CLEC16A: variants seen among roughly 807,000 people sequenced by gnomAD.
CLEC16A encodes protein CLEC16A.
Under a neutral mutation model 109.5 loss-of-function variants are expected in CLEC16A, and 51 were observed. That is an observed-to-expected ratio of 0.47 (90% CI 0.37 to 0.59). The LOEUF is 0.59. Ranked by LOEUF, CLEC16A falls within the 20% of genes least tolerant of loss-of-function variation. The pLI is 0.00. For synonymous variants in CLEC16A, 673 were observed against 564.2 expected (o/e 1.19, Z -2.73); for missense variants, 1,339 against 1,394.0 (o/e 0.96, Z 0.63).
intron 18 of CLEC16A, 94 bp from the exon 19 acceptor site, chr16:11,060,808 A>G: frequency 7.8e-7 from 1 of 1,274,098 alleles, no homozygotes; most frequent in Non-Finnish European, 1.0e-6. Context: ...TTCTTTTTTA[A>G]TAGAGAGTCA....
At chr16:11,008,235 G>T (rs1445604027) in intron 11 of CLEC16A, among the ~76,000 whole-genome samples, 2 of 152,054 alleles carry the variant, frequency 1.3e-5, no homozygotes, top group African/African-American at 2.4e-5. Flanking sequence ...TCTTTTTTCA[G>T]TCTGTCCTTG....
intron 19 of CLEC16A, among the ~76,000 whole-genome samples, chr16:11,107,716 G>C (rs929667625): frequency 6.6e-6 from 1 of 152,208 alleles, no homozygotes; most frequent in Non-Finnish European, 1.5e-5. Flanking sequence ...CTCCAGCTCT[G>C]CTGGGCTTAC....
intron 19 of CLEC16A, among the ~76,000 whole-genome samples, chr16:11,116,407 G>GA (rs368942214): frequency 5.5e-5 from 5 of 91,490 alleles, no homozygotes; most frequent in Admixed American, 2.0e-4. Context: ...AAAAAGAAAA[G>GA]AAAAAAAAAG....
intron 19 of CLEC16A, among the ~76,000 whole-genome samples, chr16:11,083,087 C>T (rs2049817593): frequency 6.6e-6 from 1 of 152,130 alleles, no homozygotes; most frequent in Non-Finnish European, 1.5e-5. Flanking sequence ...TAAGAGCTGC[C>T]CCTCATCAGC....
chr16:11,062,913 G>C (rs924718746), intron 19 of CLEC16A, among the ~76,000 whole-genome samples: 5 of 151,930 alleles, frequency 3.3e-5, no homozygotes, highest in Non-Finnish European at 1.5e-5. Context: ...GAGGGCAGTG[G>C]GGAGGGGGCA....
At chr16:11,156,682 GGTAATACCAGT>G (rs1555503320) in intron 22 of CLEC16A, 1 of 1,303,028 alleles carries the variant, frequency 7.7e-7, no homozygotes, top group Non-Finnish European at 1.0e-6. Flanking sequence ...ATTTACAGAC[GGTAATACCAGT>G]GGAAGAGGGC....
At chr16:11,117,896 C>T (rs76136817) in intron 19 of CLEC16A, among the ~76,000 whole-genome samples, 33 of 152,240 alleles carry the variant, frequency 2.2e-4, no homozygotes, top group African/African-American at 7.5e-4. Context: ...ATCTAATGGT[C>T]CTATGTTACC....
chr16:11,128,113 G>T (rs556709572), intron 22 of CLEC16A, among the ~76,000 whole-genome samples: 1 of 152,304 alleles, frequency 6.6e-6, no homozygotes, highest in East Asian at 1.9e-4. Flanking sequence ...GGTCATTGAG[G>T]CGTCTTTCAG....
In CLEC16A at chr16:11,174,071, G is replaced by T; in HGVS notation, c.2807-4264G>T. On this transcript the variant is annotated intron_variant, in intron 23 of 23. Transcript: ENST00000409790. This position sits in a 1 kb window ranked among gnomAD's most constrained non-coding sequence, Gnocchi z 4.7. ...CCCTCGTCAGTGCTCAGCGTCCGCTGCTGCTCAGTGTCCCCTCCATGTCGC... is the reference window on the plus strand; with the variant it reads ...CCCTCGTCAGTGCTCAGCGTCCGCTTCTGCTCAGTGTCCCCTCCATGTCGC... 1 of 422,062 alleles carries T rather than the reference G, an allele frequency of 2.4e-6. No individual in the cohort carries two copies. 26.1% of individuals were successfully genotyped at this position (422,062 alleles called of 1,614,324 possible).
chr16:11,025,029 TC>T, intron 13 of CLEC16A, 108 bp downstream of exon 13: 2 of 823,300 alleles, frequency 2.4e-6, no homozygotes, highest in South Asian at 3.1e-5. Context: ...GTACAGAATT[TC>T]CTTTCTGGTT....
intron 19 of CLEC16A, among the ~76,000 whole-genome samples, chr16:11,061,388 A>G (rs1191900081): frequency 6.6e-6 from 1 of 152,228 alleles, no homozygotes; most frequent in Non-Finnish European, 1.5e-5. Flanking sequence ...GATTCTAATG[A>G]TAAAAGGGTT....
chr16:11,138,734 T>A (rs74009924), intron 22 of CLEC16A, among the ~76,000 whole-genome samples: 3,266 of 152,308 alleles, frequency 0.021, 117 homozygotes, highest in African/African-American at 0.074. Flanking sequence ...CAACAGCGTA[T>A]CCTGGAGTGT....
intron 22 of CLEC16A, among the ~76,000 whole-genome samples, chr16:11,156,016 G>A (rs1214406110): frequency 1.3e-5 from 2 of 152,108 alleles, no homozygotes; most frequent in African/African-American, 2.4e-5. Context: ...CCTGCTTCTG[G>A]CCAAAAAGGT....
intron 22 of CLEC16A, among the ~76,000 whole-genome samples, chr16:11,160,519 T>G (rs905623669): frequency 6.6e-6 from 1 of 152,100 alleles, no homozygotes; most frequent in Non-Finnish European, 1.5e-5. Flanking sequence ...CCCCTTTCCC[T>G]CTTTCCCTTC....
At chr16:11,013,176 A>G (rs1325935602) in intron 11 of CLEC16A, among the ~76,000 whole-genome samples, 2 of 152,204 alleles carry the variant, frequency 1.3e-5, no homozygotes, top group South Asian at 2.1e-4. Context: ...ACTGGGAATC[A>G]GTTTTTTTCT....
intron 20 of CLEC16A, among the ~76,000 whole-genome samples, chr16:11,120,978 C>G (rs771949902): frequency 6.6e-6 from 1 of 152,124 alleles, no homozygotes. Context: ...CCAAAACGCT[C>G]GATTCTTACA....
chr16:10,971,700 C>T (rs975509972), intron 5 of CLEC16A, among the ~76,000 whole-genome samples: 3 of 152,210 alleles, frequency 2.0e-5, no homozygotes, highest in African/African-American at 2.4e-5. Context: ...ACTAACAATT[C>T]CTCCTTTCCC....
In CLEC16A at chr16:11,178,842, G is replaced by A; in HGVS notation, c.*152G>A. ...ATCCCTGCGCTCCCTTGAATGGGAA[G>A]AAGCCCCACGTTGTCCTTGAATTCC... On this transcript the variant is annotated 3_prime_UTR_variant, in exon 24 of 24. Transcript: ENST00000409790. The surrounding 1 kb of genome is among the most constrained non-coding windows in gnomAD (Gnocchi z 6.5). The A allele has an allele frequency of 5.1e-6, 3 of 586,984 alleles. No homozygotes were observed. In the South Asian group the frequency reaches 7.2e-5, roughly 14 times the overall value. The allele number at this position is 586,984 out of a possible 1,614,324, so 36.4% of individuals were successfully genotyped here. A position where few individuals can be genotyped will look rare whatever the true frequency, so the allele number is the denominator to read the frequency against.
At chr16:10,957,052 C>T (rs964725000) in intron 1 of CLEC16A, among the ~76,000 whole-genome samples, 9 of 152,210 alleles carry the variant, frequency 5.9e-5, no homozygotes, top group African/African-American at 1.9e-4. Context: ...CCACCTTGGC[C>T]TCCCAAAGTG....
Sources: allele counts gnomAD v4.1 joint callset (sites outside exome capture counted in the v4.1 genomes callset), GRCh38; gene constraint gnomAD v4.1.1; non-coding constraint Gnocchi (gnomAD v3.1); transcripts MANE v1.5; gene names NCBI Gene and HGNC (gene_info 2026-07-23, HGNC 2026-07-21).